OTOGL: variants seen among roughly 807,000 people sequenced by gnomAD.
OTOGL encodes otogelin like, also known as otogelin-like protein.
In OTOGL, 285 loss-of-function variants were observed where a neutral mutation model predicts 318.5. The observed-to-expected ratio is 0.89, with a 90% CI of 0.81 to 0.99. The LOEUF (loss-of-function observed/expected upper bound fraction) is 0.99, where lower values mean the gene tolerates loss of function less well. Ranked by LOEUF, OTOGL falls within the 50% of genes least tolerant of loss-of-function variation. The probability of loss-of-function intolerance (pLI) is 0.00; values close to 1 mark genes in which losing one functional copy is unlikely to be tolerated. For synonymous variants in OTOGL, 987 were observed against 936.5 expected, an observed-to-expected ratio of 1.05 and a Z score of -0.99; for missense variants, 2,899 against 2,845.6, an observed-to-expected ratio of 1.02 and a Z score of -0.43.
intron 1 of OTOGL, among the ~76,000 whole-genome samples, chr12:80,147,925 C>G (rs1400032772): frequency 1.3e-5 from 2 of 152,014 alleles, no homozygotes; most frequent in Admixed American, 6.5e-5. Context: ...TTCCTCCATC[C>G]TTTTATTTTG....
intron 1 of OTOGL, among the ~76,000 whole-genome samples, chr12:80,100,893 T>C (rs1363312886): frequency 6.6e-6 from 1 of 152,130 alleles, no homozygotes; most frequent in East Asian, 1.9e-4. Flanking sequence ...ATGGAGAAAA[T>C]GCTAGTACAT....
chr12:80,141,743 A>C (rs1285078638), intron 1 of OTOGL, among the ~76,000 whole-genome samples: 1 of 152,192 alleles, frequency 6.6e-6, no homozygotes, highest in Non-Finnish European at 1.5e-5. Flanking sequence ...GTTCAACAGA[A>C]AGTCAAAAAG....
In OTOGL at chr12:80,255,107, C is replaced by G; in HGVS notation, c.1509C>G (p.Gly503=). ...ATGGTCGACATTATTCTTTTATTGG[C>G]ATGTGCCAATACATCCTCGTGAAAG... is the stretch of plus-strand genomic sequence containing the variant. ...TFDGRHYSFI[G]MCQYILVKGT... Residue 503 remains glycine (G), a synonymous_variant, in exon 16 of 59, where the codon GGC becomes GGG. Transcript: ENST00000547103. 1 of 1,526,548 alleles carries G rather than the reference C, an allele frequency of 6.6e-7. No individual in the cohort carries two copies. Among genetic ancestry groups the G allele is most frequent in the Non-Finnish European group, 8.8e-7 (1 of 1,138,372 alleles). 94.6% of individuals were successfully genotyped at this position (1,526,548 alleles called of 1,614,324 possible). A position where few individuals can be genotyped will look rare whatever the true frequency, so the allele number is the denominator to read the frequency against.
chr12:80,202,963 T>C (rs1012750223), intron 1 of OTOGL, among the ~76,000 whole-genome samples: 1 of 152,200 alleles, frequency 6.6e-6, no homozygotes, highest in Non-Finnish European at 1.5e-5. Context: ...CACAACCTTA[T>C]GTCAACACAT....
At chr12:80,315,709 A>G (rs1381330726) in intron 32 of OTOGL, among the ~76,000 whole-genome samples, 1 of 152,210 alleles carries the variant, frequency 6.6e-6, no homozygotes, top group Non-Finnish European at 1.5e-5. Context: ...AAAAGAGATA[A>G]TGAATTAAAA....
chr12:80,351,262 G>A (rs1425227240), intron 44 of OTOGL, among the ~76,000 whole-genome samples: 2 of 151,536 alleles, frequency 1.3e-5, no homozygotes, highest in African/African-American at 4.8e-5. Context: ...TGTCCCATAG[G>A]CCTAAATGTC....
At chr12:80,307,461 G>C (rs1329791934) in intron 29 of OTOGL, among the ~76,000 whole-genome samples, 1 of 145,798 alleles carries the variant, frequency 6.9e-6, no homozygotes, top group Non-Finnish European at 1.5e-5. Flanking sequence ...CTCCCTCCTG[G>C]ACGGGGTGGC....
chr12:80,302,864 T>G, intron 28 of OTOGL, 81 bp downstream of exon 28: 1 of 1,199,956 alleles, frequency 8.3e-7, no homozygotes, highest in Non-Finnish European at 1.1e-6. Context: ...ATAAAATGAT[T>G]AATGTTTTCC....
intron 26 of OTOGL, among the ~76,000 whole-genome samples, chr12:80,286,355 C>T (rs900798092): frequency 6.6e-6 from 1 of 152,052 alleles, no homozygotes; most frequent in East Asian, 1.9e-4. Context: ...GTGTTTCTGC[C>T]GGGTTTTGGT....
intron 1 of OTOGL, among the ~76,000 whole-genome samples, chr12:80,109,110 C>G (rs1869676895): frequency 6.6e-6 from 1 of 151,562 alleles, no homozygotes; most frequent in Non-Finnish European, 1.5e-5. Flanking sequence ...CTAGGTTCAT[C>G]TTGTGCTTCT....
rs1345408641 is a variant in OTOGL, at chr12:80,302,618, CTTTTT to C, written c.3064-14_3064-10del. On this transcript the variant is annotated splice_polypyrimidine_tract_variant and intron_variant, in intron 27 of 58. Transcript: ENST00000547103. Reference sequence around the variant, plus strand: ...ACTTACTACTCACTTTGTTTATTTTCTTTTTTGTTTTTAAGAAACAATCAGGTTTT... The same window carrying C: ...ACTTACTACTCACTTTGTTTATTTTCTGTTTTTAAGAAACAATCAGGTTTT... 1 of 1,321,968 alleles carries C rather than the reference CTTTTT, an allele frequency of 7.6e-7. No homozygotes were observed. Among genetic ancestry groups the C allele is most frequent in the Non-Finnish European group, 9.7e-7 (1 of 1,030,540 alleles). 81.9% of individuals were successfully genotyped at this position (1,321,968 alleles called of 1,614,324 possible). A position where few individuals can be genotyped will look rare whatever the true frequency, so the allele number is the denominator to read the frequency against.
intron 9 of OTOGL, among the ~76,000 whole-genome samples, chr12:80,234,492 C>A (rs1351135670): frequency 6.6e-6 from 1 of 152,072 alleles, no homozygotes; most frequent in Non-Finnish European, 1.5e-5. Context: ...CTGTGTGATT[C>A]AAATTCAGCT....
chr12:80,295,711 T>G (rs1199247877), intron 26 of OTOGL, among the ~76,000 whole-genome samples: 2 of 152,200 alleles, frequency 1.3e-5, no homozygotes, highest in Admixed American at 6.5e-5. Context: ...TAGGACCACT[T>G]TGAGAATTTG....
At chr12:80,210,729 C>A in intron 2 of OTOGL, 118 bp from the exon 3 acceptor site, 2 of 741,872 alleles carry the variant, frequency 2.7e-6, no homozygotes, top group Non-Finnish European at 3.9e-6. Flanking sequence ...GCAAAACTAA[C>A]AGCAAACTTC....
chr12:80,197,575 A>T (rs1017167543), intron 1 of OTOGL, among the ~76,000 whole-genome samples: 1 of 152,244 alleles, frequency 6.6e-6, no homozygotes, highest in African/African-American at 2.4e-5. Flanking sequence ...AAATCTGTCT[A>T]TGAATCCCTG....
chr12:80,225,708 A>G (rs773519845), intron 7 of OTOGL, among the ~76,000 whole-genome samples: 1 of 152,066 alleles, frequency 6.6e-6, no homozygotes, highest in Non-Finnish European at 1.5e-5. Context: ...TCAATGTTAA[A>G]TATTCTTGAT....
Position 80,209,504 on chromosome 12 carries a change from T to C in OTOGL, c.73T>C (p.Leu25=). The change falls in exon 2 of 59, where the codon TTA becomes CTA. Residue 25 remains leucine, a synonymous_variant. Transcript: ENST00000547103. ...IFLLHVLLFS[L]QEYICASSIL... is the part of the protein sequence containing the mutation. Reference sequence around the variant, plus strand: ...CTTGCTTCATGTACTGCTGTTTTCATTACAAGGTAAGAACTCAGATTAAAT... The same window carrying C: ...CTTGCTTCATGTACTGCTGTTTTCACTACAAGGTAAGAACTCAGATTAAAT... 1 of 1,479,532 alleles carries C rather than the reference T, an allele frequency of 6.8e-7. No individual in the cohort carries two copies. Among genetic ancestry groups the C allele is most frequent in the African/African-American group, 1.4e-5 (1 of 71,884 alleles). 91.7% of individuals were successfully genotyped at this position (1,479,532 alleles called of 1,614,324 possible). A position where few individuals can be genotyped will look rare whatever the true frequency, so the allele number is the denominator to read the frequency against.
chr12:80,190,516 G>A (rs1351077339), intron 1 of OTOGL, among the ~76,000 whole-genome samples: 6 of 152,092 alleles, frequency 3.9e-5, no homozygotes, highest in Non-Finnish European at 7.4e-5. Context: ...GGCCGGGCGC[G>A]GTGGCTCACG....
At chr12:80,292,040 G>C (rs1432847763) in intron 26 of OTOGL, among the ~76,000 whole-genome samples, 1 of 151,696 alleles carries the variant, frequency 6.6e-6, no homozygotes, top group Non-Finnish European at 1.5e-5. Context: ...CCAGGCTGGA[G>C]TGCAGTGGTG....
Sources: allele counts gnomAD v4.1 joint callset (sites outside exome capture counted in the v4.1 genomes callset), GRCh38; gene constraint gnomAD v4.1.1; transcripts MANE v1.5; gene names NCBI Gene and HGNC (gene_info 2026-07-23, HGNC 2026-07-21).